TERB1: variants seen among roughly 807,000 people sequenced by gnomAD.
TERB1 encodes the protein telomere repeat binding bouquet formation protein 1, also known as telomere repeats-binding bouquet formation protein 1.
In TERB1, 63 loss-of-function variants were observed where a neutral mutation model predicts 92.3. The ratio of observed to expected loss-of-function variants is 0.68; its 90% confidence interval spans 0.56 to 0.84. TERB1 has a LOEUF of 0.84. TERB1 is among the 40% of genes least tolerant of loss of function. TERB1 has a pLI of 0.00. For missense variants in TERB1, 709 were observed against 843.7 expected, an observed-to-expected ratio of 0.84 and a Z score of 1.98; for synonymous variants, 252 against 283.9, an observed-to-expected ratio of 0.89 and a Z score of 1.13.
intron 17 of TERB1, 111 bp downstream of exon 17, chr16:66,759,030 T>C (rs1025572072): frequency 1.4e-5 from 15 of 1,092,030 alleles, no homozygotes; most frequent in Non-Finnish European, 1.9e-5. Flanking sequence ...TAGAGACAGA[T>C]TTTCTTTTTA....
At chr16:66,781,133 G>A (rs2018628714) in intron 9 of TERB1, among the ~76,000 whole-genome samples, 1 of 152,082 alleles carries the variant, frequency 6.6e-6, no homozygotes, top group Non-Finnish European at 1.5e-5. Flanking sequence ...CTTACTGTAA[G>A]CTTGAACTCC....
chr16:66,774,004 C>A (rs575348402), intron 12 of TERB1, among the ~76,000 whole-genome samples: 1 of 151,918 alleles, frequency 6.6e-6, no homozygotes, highest in Non-Finnish European at 1.5e-5. Flanking sequence ...CTCAGCCTCC[C>A]GAGTAGCTGG....
intron 16 of TERB1, among the ~76,000 whole-genome samples, chr16:66,761,115 A>G (rs1425291345): frequency 6.7e-6 from 1 of 150,068 alleles, no homozygotes; most frequent in Non-Finnish European, 1.5e-5. Context: ...ACCTCAAAAA[A>G]AAAAAAAAAA....
chr16:66,776,873 G>A (rs763163479), intron 11 of TERB1, among the ~76,000 whole-genome samples: 4 of 151,762 alleles, frequency 2.6e-5, no homozygotes, highest in African/African-American at 9.7e-5. Context: ...AAGGGAAGGA[G>A]CTTTCTCCCT....
intron 10 of TERB1, among the ~76,000 whole-genome samples, chr16:66,777,654 T>C (rs1410267588): frequency 1.3e-5 from 2 of 152,224 alleles, no homozygotes; most frequent in Non-Finnish European, 2.9e-5. Flanking sequence ...GAAGTAACAC[T>C]AACTTCCTAA....
chr16:66,758,994 G>T, intron 17 of TERB1, 147 bp downstream of exon 17: 1 of 920,234 alleles, frequency 1.1e-6, no homozygotes, highest in Non-Finnish European at 1.6e-6. Flanking sequence ...ACTACTCCCT[G>T]GGTACATCTT....
chr16:66,764,249 C>T (rs370750371), intron 16 of TERB1, among the ~76,000 whole-genome samples: 13 of 152,138 alleles, frequency 8.5e-5, no homozygotes, highest in Middle Eastern at 3.4e-3. Flanking sequence ...AAGGCATTTG[C>T]GGGGAGAATG....
intron 3 of TERB1, among the ~76,000 whole-genome samples, chr16:66,793,059 ACT>A (rs1369340872): frequency 6.6e-6 from 1 of 151,298 alleles, no homozygotes; most frequent in Non-Finnish European, 1.5e-5. Context: ...TAAGAGCAAG[ACT>A]CTGTCTCAAA....
chr16:66,759,057 T>C, intron 17 of TERB1, 84 bp downstream of exon 17: 4 of 1,196,876 alleles, frequency 3.3e-6, no homozygotes, highest in South Asian at 1.6e-5. Flanking sequence ...TTTTATCCTC[T>C]AGTTTTTAAT....
At position 66,785,835 on chromosome 16, in the gene TERB1, C is replaced by T; in HGVS notation, c.651G>A (p.Glu217=). 6.5e-7 allele frequency: 1 copy of T among 1,549,198 alleles called. No homozygotes were observed. The highest frequency in any genetic ancestry group is 8.7e-7 in the Non-Finnish European group (1 of 1,145,904). Residue 217 remains glutamate, a synonymous_variant, in exon 9 of 19, where the codon GAG becomes GAA. Transcript: ENST00000433154. ...TAAATGAGCAAATAGGGCGAATTAT[C>T]TCAGGTGTCGTGCAATTTTTTAGCC... ...NEWLKNCTTP[E]IIRPICSFIG...
At chr16:66,785,749 T>G (rs1489839685) in intron 9 of TERB1, 37 bp downstream of exon 9, 1 of 1,478,542 alleles carries the variant, frequency 6.8e-7, no homozygotes, top group Non-Finnish European at 9.0e-7. Context: ...TGAAATATGT[T>G]TCTTCAACTA....
intron 14 of TERB1, among the ~76,000 whole-genome samples, chr16:66,769,390 A>G (rs1312443977): frequency 6.6e-6 from 1 of 152,140 alleles, no homozygotes; most frequent in Non-Finnish European, 1.5e-5. Context: ...ATTTTTCCCA[A>G]GTACAGTAAC....
intron 3 of TERB1, 110 bp downstream of exon 3, chr16:66,796,658 T>C: frequency 1.3e-6 from 1 of 798,124 alleles, no homozygotes; most frequent in Non-Finnish European, 2.1e-6. Context: ...GCTCAATAGT[T>C]ATGTAAATGG....
rs185721264 is a variant in TERB1, at chr16:66,788,462, G to A, written c.272-165C>T. Reference sequence around the variant, plus strand: ...CAAAATTTCTGACAAACTGATATGCGCTTACTCAATTAGCAAAGAAGCAGA... The same window carrying A: ...CAAAATTTCTGACAAACTGATATGCACTTACTCAATTAGCAAAGAAGCAGA... On this transcript the variant is annotated intron_variant, in intron 5 of 18. Coordinates refer to ENST00000433154, the MANE Select transcript of TERB1 (RefSeq NM_001136505.2). 4.9e-3 allele frequency among the ~76,000 whole-genome samples: 748 copies of A among 151,818 alleles called. 6 individuals are homozygous for A. Among genetic ancestry groups the A allele is most frequent in the African/African-American group, 0.017 (715 of 41,378 alleles).
chr16:66,774,025 G>A (rs977535191), intron 12 of TERB1, among the ~76,000 whole-genome samples: 5 of 151,498 alleles, frequency 3.3e-5, no homozygotes, highest in Non-Finnish European at 5.9e-5. Context: ...GGCTACAGGC[G>A]TGCGCCACCA....
chr16:66,766,149 G>T (rs2018342405), intron 16 of TERB1, among the ~76,000 whole-genome samples: 1 of 151,968 alleles, frequency 6.6e-6, no homozygotes, highest in Non-Finnish European at 1.5e-5. Flanking sequence ...GGGATTACAG[G>T]CGTGAGCCAC....
At chr16:66,791,097 T>C in intron 3 of TERB1, 78 bp from the exon 4 acceptor site, 1 of 720,090 alleles carries the variant, frequency 1.4e-6, no homozygotes, top group East Asian at 2.9e-5. Flanking sequence ...ACTTACTAAA[T>C]ACATATCTTT....
intron 16 of TERB1, among the ~76,000 whole-genome samples, chr16:66,759,543 T>C (rs2018194689): frequency 6.6e-6 from 1 of 152,080 alleles, no homozygotes; most frequent in Admixed American, 6.5e-5. Context: ...CTCATGCCTG[T>C]AATCCCAGCA....
At chr16:66,799,344 C>G (rs1959220557) in intron 2 of TERB1, among the ~76,000 whole-genome samples, 1 of 152,134 alleles carries the variant, frequency 6.6e-6, no homozygotes, top group Non-Finnish European at 1.5e-5. Context: ...TCTCCTGTCT[C>G]CGCCTCCTGA....
Sources: allele counts gnomAD v4.1 joint callset (sites outside exome capture counted in the v4.1 genomes callset), GRCh38; gene constraint gnomAD v4.1.1; transcripts MANE v1.5; gene names NCBI Gene and HGNC (gene_info 2026-07-23, HGNC 2026-07-21).